Variants in ARHGAP32 observed in about 807,000 individuals in gnomAD.
ARHGAP32 encodes Rho GTPase activating protein 32, also known as rho GTPase-activating protein 32.
In ARHGAP32, 51 loss-of-function variants were observed where a neutral mutation model predicts 186.5. The observed-to-expected ratio is 0.27, with a 90% CI of 0.22 to 0.35. ARHGAP32 has a LOEUF of 0.35. ARHGAP32 is among the 10% of genes least tolerant of loss of function. The pLI, the probability that ARHGAP32 is intolerant of heterozygous loss-of-function variation, is 1.00. For missense variants in ARHGAP32, 2,186 were observed against 2,623.5 expected, an observed-to-expected ratio of 0.83 and a Z score of 3.64; for synonymous variants, 950 against 964.3, an observed-to-expected ratio of 0.99 and a Z score of 0.27.
chr11:129,201,893 G>A (rs1944460046), intron 1 of ARHGAP32, among the ~76,000 whole-genome samples: 1 of 152,122 alleles, frequency 6.6e-6, no homozygotes, highest in Non-Finnish European at 1.5e-5. Flanking sequence ...TGAAGTGGGA[G>A]GATCGCTTGA....
intron 6 of ARHGAP32, among the ~76,000 whole-genome samples, chr11:129,090,926 TA>T (rs1448740326): frequency 6.6e-6 from 1 of 152,164 alleles, no homozygotes; most frequent in Non-Finnish European, 1.5e-5. Context: ...AATTTCAAAC[TA>T]AATACATTAA....
intron 2 of ARHGAP32, among the ~76,000 whole-genome samples, chr11:129,148,311 C>T (rs1191506823): frequency 2.0e-5 from 3 of 152,166 alleles, no homozygotes; most frequent in African/African-American, 7.2e-5. Flanking sequence ...AGGGAGAAAA[C>T]CTGCCTCTGA....
intron 1 of ARHGAP32, among the ~76,000 whole-genome samples, chr11:129,261,978 CA>C (rs1382677760): frequency 6.6e-6 from 1 of 152,156 alleles, no homozygotes; most frequent in African/African-American, 2.4e-5. Context: ...ATTACCATAA[CA>C]CCAAATGACA....
chr11:129,212,535 T>C (rs576832418), intron 1 of ARHGAP32, among the ~76,000 whole-genome samples: 1 of 152,338 alleles, frequency 6.6e-6, no homozygotes, highest in African/African-American at 2.4e-5. Flanking sequence ...AATATCACTA[T>C]ACTAACTATA....
At chr11:129,126,145 G>A (rs1942655471) in intron 2 of ARHGAP32, 1 of 232,780 alleles carries the variant, frequency 4.3e-6, no homozygotes, top group Non-Finnish European at 8.6e-6. Context: ...TTTTAAAAAG[G>A]GAAAATGAGA....
intron 5 of ARHGAP32, among the ~76,000 whole-genome samples, chr11:129,100,474 C>A (rs150986107): frequency 1.5e-3 from 222 of 152,276 alleles, no homozygotes; most frequent in Non-Finnish European, 2.5e-3. Flanking sequence ...CAGACTCCCT[C>A]CCCATATGTC....
At chr11:129,217,600 C>A (rs758973831) in intron 1 of ARHGAP32, among the ~76,000 whole-genome samples, 8 of 152,126 alleles carry the variant, frequency 5.3e-5, no homozygotes, top group Non-Finnish European at 1.2e-4. Flanking sequence ...AATCACAGAA[C>A]TGCCTGAGAT....
intron 5 of ARHGAP32, among the ~76,000 whole-genome samples, chr11:129,112,362 G>A (rs1171134196): frequency 1.3e-5 from 2 of 151,932 alleles, no homozygotes; most frequent in Non-Finnish European, 1.5e-5. Flanking sequence ...TTACTATGAT[G>A]TGCCTTGGCC....
intron 11 of ARHGAP32, among the ~76,000 whole-genome samples, chr11:129,003,769 T>C (rs1362311012): frequency 1.3e-5 from 2 of 151,974 alleles, no homozygotes; most frequent in Admixed American, 6.6e-5. Context: ...TGGGTCTTCT[T>C]TTTTTTTCCT....
At position 128,972,599 on chromosome 11, in the gene ARHGAP32, C is replaced by T. The variant is rs1352389269; in HGVS notation, c.3907G>A (p.Ala1303Thr). Residue 1303 changes from alanine (A) to threonine (T), a missense_variant, in exon 22 of 23, where the codon GCT becomes ACT. Physicochemically the swap from Ala to Thr is moderately conservative, Grantham distance 58. This residue lies in a region of ARHGAP32 where 1,502 missense variants were observed against 1,570.0 expected (regional missense o/e 0.96). Coordinates refer to ENST00000682385, the MANE Select transcript of ARHGAP32 (RefSeq NM_001378024.1). ...SWDVAEQPTT[A>T]DFAAATLQRT... is the part of the protein sequence containing the mutation. ...TGAAGTGTGGCAGCAGCAAAATCAG[C>T]AGTGGTGGGTTGTTCAGCCACATCC... is the stretch of plus-strand genomic sequence containing the variant. 5 of 1,606,018 alleles carry T rather than the reference C, an allele frequency of 3.1e-6. No individual in the cohort carries two copies. The highest frequency in any genetic ancestry group is 4.3e-6 in the Non-Finnish European group (5 of 1,174,934).
At chr11:129,062,019 A>G (rs1591579683) in intron 10 of ARHGAP32, among the ~76,000 whole-genome samples, 2 of 152,202 alleles carry the variant, frequency 1.3e-5, no homozygotes, top group South Asian at 2.1e-4. Flanking sequence ...CTTGTAACCT[A>G]AAAGTGGCCA....
intron 1 of ARHGAP32, among the ~76,000 whole-genome samples, chr11:129,227,838 G>A (rs1944806288): frequency 1.3e-5 from 2 of 152,104 alleles, no homozygotes; most frequent in African/African-American, 4.8e-5. Flanking sequence ...ATAATTAAAT[G>A]GTCAACAAGG....
At chr11:129,202,260 A>G (rs1251940519) in intron 1 of ARHGAP32, among the ~76,000 whole-genome samples, 1 of 152,146 alleles carries the variant, frequency 6.6e-6, no homozygotes, top group African/African-American at 2.4e-5. Context: ...TTAACTTTTT[A>G]GTTTTAAAGA....
chr11:129,110,317 C>T (rs1289804317), intron 5 of ARHGAP32, among the ~76,000 whole-genome samples: 1 of 151,994 alleles, frequency 6.6e-6, no homozygotes, highest in Non-Finnish European at 1.5e-5. Flanking sequence ...GTTTCTATAC[C>T]AATACCATTC....
At chr11:129,231,649 T>C (rs923580684) in intron 1 of ARHGAP32, among the ~76,000 whole-genome samples, 1 of 152,108 alleles carries the variant, frequency 6.6e-6, no homozygotes, top group East Asian at 1.9e-4. Flanking sequence ...GTACACCTAA[T>C]GGGATACTGT....
Position 128,970,783 on chromosome 11 carries a change from T to G in ARHGAP32, c.4430A>C (p.Gln1477Pro). ...TGTTTTCTGAGAAGCATGCTTAGGT[T>G]GTGGGACAGGAAGTGGTAAAGGCAA... Reference protein sequence around the residue: ...DALPLPLPVPQPKHASQKTVY... With the variant: ...DALPLPLPVPPPKHASQKTVY... Residue 1477 changes from glutamine (Q) to proline (P), a missense_variant, in exon 23 of 23, where the codon CAA (glutamine) becomes CCA (proline). By Grantham distance (76) the Gln-to-Pro change is moderately conservative (BLOSUM62 -1). This residue lies in a region of ARHGAP32 where 1,502 missense variants were observed against 1,570.0 expected (regional missense o/e 0.96). Coordinates refer to ENST00000682385, the MANE Select transcript of ARHGAP32 (RefSeq NM_001378024.1). This position sits in a 1 kb window ranked among gnomAD's most constrained non-coding sequence, Gnocchi z 5.8. The G allele has an allele frequency of 1.2e-6, 2 of 1,614,152 alleles. No individual in the cohort carries two copies. Among genetic ancestry groups the G allele is most frequent in the Non-Finnish European group, 1.7e-6 (2 of 1,180,028 alleles).
chr11:129,250,220 T>G (rs749547879), intron 1 of ARHGAP32, among the ~76,000 whole-genome samples: 18 of 151,986 alleles, frequency 1.2e-4, no homozygotes, highest in Non-Finnish European at 1.6e-4. Context: ...CTGTCAGTGA[T>G]ACCCCCCTGA....
rs1555118503 is a variant in ARHGAP32 at position 129,257,721 on chromosome 11, A to AAAC, written c.-5+21424_-5+21425insGTT. On this transcript the variant is annotated intron_variant, in intron 1 of 6. Transcript: ENST00000525234. Reference sequence around the variant, plus strand: ...ATAATTAACCAAAAAAAAAAAAAAAACAGAACTTCTTAAATCCTAAACAGA... The same window carrying AAAC: ...ATAATTAACCAAAAAAAAAAAAAAAAAACCAGAACTTCTTAAATCCTAAACAGA... 9.3e-3 allele frequency among the ~76,000 whole-genome samples: 1,357 copies of AAAC among 146,626 alleles called. 12 individuals carry two copies. The highest frequency in any genetic ancestry group is 0.014 in the Admixed American group (214 of 14,762).
chr11:129,210,619 C>T (rs141494429), intron 1 of ARHGAP32, among the ~76,000 whole-genome samples: 4 of 152,236 alleles, frequency 2.6e-5, no homozygotes, highest in African/African-American at 9.6e-5. Flanking sequence ...CAAATACTTC[C>T]AAAAACACAA....
Sources: gnomAD v4.1 joint callset for allele counts (sites outside exome capture counted in the v4.1 genomes callset) on GRCh38, gnomAD v4.1.1 for gene constraint, gnomAD v4.1.1 regional missense constraint, Gnocchi (gnomAD v3.1) non-coding constraint, MANE v1.5 for transcripts, NCBI Gene and HGNC (gene_info 2026-07-23, HGNC 2026-07-21) for gene names.